Variants in COL11A1 observed in about 807,000 individuals in gnomAD.
COL11A1 encodes collagen alpha-1(XI) chain.
In COL11A1, 74 loss-of-function variants were observed where a neutral mutation model predicts 265.2. The ratio of observed to expected loss-of-function variants is 0.28; its 90% confidence interval spans 0.23 to 0.34. The LOEUF is 0.34. Among genes scored for constraint, COL11A1 ranks in the 10% least tolerant of loss-of-function variants. COL11A1 has a pLI of 1.00. For missense variants in COL11A1, 2,165 were observed against 2,263.6 expected, an observed-to-expected ratio of 0.96 and a Z score of 0.88; for synonymous variants, 816 against 727.6, an observed-to-expected ratio of 1.12 and a Z score of -1.96.
At chr1:102,954,736 C>G (rs555889773) in intron 41 of COL11A1, among the ~76,000 whole-genome samples, 1 of 151,728 alleles carries the variant, frequency 6.6e-6, no homozygotes, top group East Asian at 1.9e-4. Flanking sequence ...CCCAGCTACT[C>G]GGGAGGCTGA....
rs956560678 is a variant in COL11A1, at chr1:103,027,394, C to T, written c.781-1062G>A. 7.4e-5 allele frequency among the ~76,000 whole-genome samples: 7 copies of T among 94,498 alleles called. 1 individual carries two copies. The highest frequency in any genetic ancestry group is 2.5e-4 in the African/African-American group (6 of 24,372). 62.0% of individuals were successfully genotyped at this position (94,498 alleles called of 152,430 possible). ...GCAGTAAACTCAACAAGTTAAAACT[C>T]TAATATATATATATATATATATATA... On this transcript the variant is annotated intron_variant, in intron 5 of 66. Transcript: ENST00000370096.
At position 102,877,993 on chromosome 1, in the gene COL11A1, G is replaced by A. The variant is rs1010188795; in HGVS notation, c.*26C>T. On this transcript the variant is annotated 3_prime_UTR_variant, in exon 67 of 67. Coordinates refer to ENST00000370096, the MANE Select transcript of COL11A1 (RefSeq NM_001854.4). The stretch of plus-strand genomic sequence containing the variant: ...GTGGCACCAAGGTATATTTTCTGTT[G>A]ATTTGATATGTTCTTTGTCTTAATC... 1 of 1,612,088 alleles carries A rather than the reference G, an allele frequency of 6.2e-7. No individual in the cohort carries two copies. The highest frequency in any genetic ancestry group is 1.7e-5 in the Admixed American group (1 of 59,946).
intron 14 of COL11A1, among the ~76,000 whole-genome samples, chr1:103,011,025 T>C (rs774593473): frequency 3.3e-5 from 5 of 152,144 alleles, no homozygotes; most frequent in Non-Finnish European, 5.9e-5. Context: ...AAATCAAATA[T>C]GGCACTGTTT....
At chr1:102,897,566 C>T (rs1652595875) in intron 57 of COL11A1, among the ~76,000 whole-genome samples, 1 of 151,992 alleles carries the variant, frequency 6.6e-6, no homozygotes, top group Non-Finnish European at 1.5e-5. Flanking sequence ...TAATAAACTC[C>T]ACCTATGAAT....
At chr1:102,982,646 G>A (rs141138934) in intron 31 of COL11A1, among the ~76,000 whole-genome samples, 202 of 152,102 alleles carry the variant, frequency 1.3e-3, no homozygotes, top group African/African-American at 4.3e-3. Context: ...CACAGATGCC[G>A]TAAATCTTAT....
At chr1:103,086,796 G>C (rs547447121) in intron 1 of COL11A1, among the ~76,000 whole-genome samples, 1 of 138,030 alleles carries the variant, frequency 7.2e-6, no homozygotes, top group African/African-American at 2.5e-5. Flanking sequence ...TATAATAAAG[G>C]TATCAACCAA....
At chr1:103,037,846 A>G (rs984326477) in intron 4 of COL11A1, among the ~76,000 whole-genome samples, 2 of 152,136 alleles carry the variant, frequency 1.3e-5, no homozygotes, top group Non-Finnish European at 2.9e-5. Flanking sequence ...ACGATTGACT[A>G]TATACCTTAT....
chr1:102,914,472 T>C, intron 51 of COL11A1, 67 bp from the exon 52 acceptor site: 1 of 1,431,716 alleles, frequency 7.0e-7, no homozygotes, highest in Non-Finnish European at 9.6e-7. Flanking sequence ...TATGACATTC[T>C]GGAGGTGAAG....
chr1:102,991,341 G>A (rs1664106662), intron 28 of COL11A1, among the ~76,000 whole-genome samples: 3 of 152,046 alleles, frequency 2.0e-5, no homozygotes, highest in African/African-American at 7.2e-5. Context: ...CTGCCAAAAT[G>A]ATCTCTTTAA....
intron 24 of COL11A1, 21 bp from the exon 25 acceptor site, chr1:102,998,384 AT>A: frequency 6.6e-7 from 1 of 1,506,538 alleles, no homozygotes; most frequent in Non-Finnish European, 8.9e-7. Flanking sequence ...AAAAAAAAAT[AT>A]TAAAAAGATA....
intron 8 of COL11A1, 86 bp downstream of exon 8, chr1:103,022,656 A>G: frequency 1.3e-6 from 2 of 1,540,628 alleles, no homozygotes. Context: ...TGCATTTTAA[A>G]CCTGAAAAGA....
At position 103,022,624 on chromosome 1, in the gene COL11A1, T is replaced by C. The variant is rs1358524626; in HGVS notation, c.1245+118A>G. On this transcript the variant is annotated intron_variant, in intron 8 of 66. Coordinates refer to ENST00000370096, the MANE Select transcript of COL11A1 (RefSeq NM_001854.4). ...GTGTCCTAGTGGTAATAGGCATTCA[T>C]AATTTACATAAAAATTCAACCTGCA... The C allele has an allele frequency of 8.1e-6, 10 of 1,227,734 alleles. No individual in the cohort carries two copies. In the Admixed American group the frequency reaches 1.4e-4, roughly 18 times the overall value. The allele number at this position is 1,227,734 out of a possible 1,614,324, so 76.1% of individuals were successfully genotyped here.
At chr1:102,927,696 C>A (rs1400072425) in intron 46 of COL11A1, among the ~76,000 whole-genome samples, 1 of 151,670 alleles carries the variant, frequency 6.6e-6, no homozygotes, top group East Asian at 1.9e-4. Context: ...TGTTCTGGAA[C>A]ATGTTGTTTA....
At chr1:103,059,820 A>G (rs1440721205) in intron 4 of COL11A1, among the ~76,000 whole-genome samples, 1 of 152,152 alleles carries the variant, frequency 6.6e-6, no homozygotes, top group African/African-American at 2.4e-5. Context: ...TCCAAAACTA[A>G]AAGCAAAGAG....
chr1:102,978,575 G>T (rs907440863), intron 35 of COL11A1, 133 bp downstream of exon 35: 26 of 952,334 alleles, frequency 2.7e-5, no homozygotes, highest in Non-Finnish European at 4.1e-5. Context: ...AAAAATAAGC[G>T]TTTTTAAATT....
At chr1:103,007,323 T>G (rs913002525) in intron 15 of COL11A1, among the ~76,000 whole-genome samples, 7 of 152,168 alleles carry the variant, frequency 4.6e-5, no homozygotes, top group Non-Finnish European at 8.8e-5. Flanking sequence ...CAATATATAC[T>G]TTTCGTGGGG....
At chr1:103,019,015 G>T (rs1231466986) in intron 9 of COL11A1, among the ~76,000 whole-genome samples, 156 bp from the exon 10 acceptor site, 1 of 152,054 alleles carries the variant, frequency 6.6e-6, no homozygotes, top group African/African-American at 2.4e-5. Flanking sequence ...CACAGGGAAG[G>T]AAAGAAATTC....
intron 3 of COL11A1, among the ~76,000 whole-genome samples, chr1:103,077,972 A>G (rs1467741259): frequency 3.3e-5 from 5 of 152,106 alleles, no homozygotes; most frequent in African/African-American, 1.2e-4. Flanking sequence ...CAATGTATAA[A>G]GACCTTAGTA....
At chr1:102,881,898 C>T (rs1570614397) in intron 64 of COL11A1, 133 bp from the exon 65 acceptor site, 1 of 697,806 alleles carries the variant, frequency 1.4e-6, no homozygotes. Context: ...TAAAATGACA[C>T]AAATTAGATT....
Sources: gnomAD v4.1 joint callset for allele counts (sites outside exome capture counted in the v4.1 genomes callset) on GRCh38, gnomAD v4.1.1 for gene constraint, MANE v1.5 for transcripts, NCBI Gene and HGNC (gene_info 2026-07-23, HGNC 2026-07-21) for gene names.